NME7: variants seen among roughly 807,000 people sequenced by gnomAD.
NME7 encodes the protein nucleoside diphosphate kinase 7.
Under a neutral mutation model 49.1 loss-of-function variants are expected in NME7, and 41 were observed. The observed-to-expected ratio is 0.83, with a 90% confidence interval of 0.65 to 1.08. The LOEUF is 1.08. Among genes scored for constraint, NME7 ranks in the 50% least tolerant of loss-of-function variants. The pLI, the probability that NME7 is intolerant of heterozygous loss-of-function variation, is 0.00. For missense variants in NME7, 423 were observed against 463.4 expected, an observed-to-expected ratio of 0.91 and a Z score of 0.80; for synonymous variants, 139 against 150.6, an observed-to-expected ratio of 0.92 and a Z score of 0.56.
At chr1:169,347,502 T>A (rs1221737789) in intron 1 of NME7, among the ~76,000 whole-genome samples, 1 of 152,154 alleles carries the variant, frequency 6.6e-6, no homozygotes, top group African/African-American at 2.4e-5. Flanking sequence ...TGGGATGGCA[T>A]CCTGTGGCAT....
chr1:169,257,763 A>G (rs1260779744), intron 7 of NME7, among the ~76,000 whole-genome samples: 1 of 134,210 alleles, frequency 7.5e-6, no homozygotes, highest in East Asian at 2.0e-4. Context: ...TTGTCTGAAA[A>G]TGACTTTAAT....
chr1:169,255,874 G>T (rs1193594403), intron 7 of NME7, among the ~76,000 whole-genome samples: 1 of 132,592 alleles, frequency 7.5e-6, no homozygotes, highest in African/African-American at 2.6e-5. Flanking sequence ...TTTTCTTTAA[G>T]AATGGTGAAT....
rs59280361 is a variant in NME7, at chr1:169,182,174, T to TAAAA, written c.991-12624_991-12621dup. The stretch of plus-strand genomic sequence containing the variant: ...TGCATGCCACCACAACTAGCTAATT[T>TAAAA]AAAAAAAAAAAAAAACAACTCTGTA... On this transcript the variant is annotated intron_variant, in intron 10 of 11. Coordinates refer to ENST00000367811, the MANE Select transcript of NME7 (RefSeq NM_013330.5). Among the ~76,000 whole-genome samples the TAAAA allele has an allele frequency of 7.4e-4, 99 of 134,086 alleles. 18 individuals are homozygous for TAAAA. The highest frequency in any genetic ancestry group is 2.3e-3 in the East Asian group (9 of 3,988). The allele number at this position is 134,086 out of a possible 152,430, so 88.0% of individuals were successfully genotyped here. A position where few individuals can be genotyped will look rare whatever the true frequency, so the allele number is the denominator to read the frequency against.
chr1:169,253,966 A>G (rs1285377851), intron 7 of NME7, among the ~76,000 whole-genome samples: 1 of 151,154 alleles, frequency 6.6e-6, no homozygotes, highest in African/African-American at 2.4e-5. Flanking sequence ...TCCTTTTGCC[A>G]GTATTTTATT....
chr1:169,224,448 G>T (rs1403170073), intron 10 of NME7, among the ~76,000 whole-genome samples: 1 of 152,004 alleles, frequency 6.6e-6, no homozygotes, highest in Non-Finnish European at 1.5e-5. Flanking sequence ...TTCAGGTGTG[G>T]ATGCTCTCTT....
Position 169,280,590 on chromosome 1 carries a change from G to A in NME7, c.754+6713C>T, listed in dbSNP as rs978835108. 3.4e-5 allele frequency among the ~76,000 whole-genome samples: 5 copies of A among 147,550 alleles called. 1 individual carries two copies. The highest frequency in any genetic ancestry group is 1.2e-4 in the African/African-American group (5 of 40,656). ...TCTTCTAAGATTTTTATGGTCCTAG[G>A]TCTTATTAAAGTCTTTGATCCATCT... is the stretch of plus-strand genomic sequence containing the variant. On this transcript the variant is annotated intron_variant, in intron 7 of 11. Coordinates refer to ENST00000367811, the MANE Select transcript of NME7 (RefSeq NM_013330.5).
At chr1:169,356,147 T>C (rs1266102528) in intron 1 of NME7, among the ~76,000 whole-genome samples, 1 of 152,164 alleles carries the variant, frequency 6.6e-6, no homozygotes, top group Non-Finnish European at 1.5e-5. Flanking sequence ...TGTTTGTGCC[T>C]TTCTGCTCCC....
At chr1:169,355,395 T>C (rs1411143294) in intron 1 of NME7, among the ~76,000 whole-genome samples, 16 of 118,138 alleles carry the variant, frequency 1.4e-4, no homozygotes, top group Admixed American at 3.2e-4. Flanking sequence ...CACACACACA[T>C]ATACCTGCTA....
At position 169,154,244 on chromosome 1, in the gene NME7, C is replaced by A. The variant is rs550386665; in HGVS notation, c.1098+15203G>T. On this transcript the variant is annotated intron_variant, in intron 11 of 11. Coordinates refer to ENST00000367811, the MANE Select transcript of NME7 (RefSeq NM_013330.5). ...CCCAGGCTGGTCTCAAACTCCTGGG[C>A]TCAAGTGATTCTCTCACCTCAGCCT... 1.2e-3 allele frequency among the ~76,000 whole-genome samples: 188 copies of A among 152,138 alleles called. 6 individuals are homozygous for A. The highest frequency in any genetic ancestry group is 6.8e-3 in the Middle Eastern group (2 of 294).
intron 1 of NME7, among the ~76,000 whole-genome samples, chr1:169,350,172 AGAAAGGAAG>A (rs199974933): frequency 0.025 from 3,761 of 150,336 alleles, 157 homozygotes; most frequent in African/African-American, 0.086. Flanking sequence ...GAAAGAAGAA[AGAAAGGAAG>A]GAAAGGAAGG....
At position 169,311,531 on chromosome 1, in the gene NME7, C is replaced by T. The variant is rs568748550; in HGVS notation, c.279-1451G>A. ...ATTGTTCATCTTAGTGTGTTTATTA[C>T]AAATTATACCAGATAATGTTTTTCT... is the stretch of plus-strand genomic sequence containing the variant. On this transcript the variant is annotated intron_variant, in intron 3 of 11. Transcript: ENST00000367811. Among the ~76,000 whole-genome samples the T allele has an allele frequency of 6.0e-4, 91 of 150,956 alleles. No individual in the cohort carries two copies. In the Middle Eastern group the frequency reaches 0.01, roughly 17 times the overall value.
chr1:169,327,665 G>A (rs916557087), intron 1 of NME7, among the ~76,000 whole-genome samples: 1 of 152,122 alleles, frequency 6.6e-6, no homozygotes, highest in African/African-American at 2.4e-5. Flanking sequence ...ATATGTTATT[G>A]AGTGGAATGT....
intron 9 of NME7, among the ~76,000 whole-genome samples, chr1:169,233,166 T>A (rs574968501): frequency 6.6e-6 from 1 of 152,126 alleles, no homozygotes; most frequent in Non-Finnish European, 1.5e-5. Flanking sequence ...TATATAGATG[T>A]AAAATGTATG....
intron 10 of NME7, among the ~76,000 whole-genome samples, chr1:169,208,805 A>C (rs935114048): frequency 1.3e-5 from 2 of 152,104 alleles, no homozygotes; most frequent in Admixed American, 6.6e-5. Flanking sequence ...AAAGTCTCTA[A>C]ATGTTGCCTT....
chr1:169,177,877 C>T (rs1034777118), intron 10 of NME7, among the ~76,000 whole-genome samples: 3 of 152,040 alleles, frequency 2.0e-5, no homozygotes, highest in African/African-American at 7.3e-5. Flanking sequence ...AGCTCTGTCG[C>T]CCAGGCTGGA....
intron 1 of NME7, among the ~76,000 whole-genome samples, chr1:169,366,465 C>T (rs1257248646): frequency 1.3e-5 from 2 of 152,008 alleles, no homozygotes; most frequent in East Asian, 3.9e-4. Flanking sequence ...CATGGTTTTG[C>T]TTTATTTAAT....
At chr1:169,180,741 C>A (rs1255424685) in intron 10 of NME7, among the ~76,000 whole-genome samples, 2 of 152,068 alleles carry the variant, frequency 1.3e-5, no homozygotes, top group South Asian at 4.1e-4. Flanking sequence ...ATTTATTTAA[C>A]CCTATATATT....
intron 11 of NME7, among the ~76,000 whole-genome samples, chr1:169,152,734 T>C (rs539804709): frequency 6.6e-6 from 1 of 152,284 alleles, no homozygotes; most frequent in African/African-American, 2.4e-5. Context: ...ACCAGGTCCT[T>C]AAGACTTGTT....
intron 10 of NME7, among the ~76,000 whole-genome samples, chr1:169,220,215 AT>A (rs1336549299): frequency 4.6e-5 from 7 of 152,228 alleles, no homozygotes; most frequent in Admixed American, 1.3e-4. Context: ...TAAAAAATAA[AT>A]CTAATTGACC....
Sources: allele counts gnomAD v4.1 joint callset (sites outside exome capture counted in the v4.1 genomes callset), GRCh38; gene constraint gnomAD v4.1.1; transcripts MANE v1.5; gene names NCBI Gene and HGNC (gene_info 2026-07-23, HGNC 2026-07-21).